Variants in VSIG10 observed in about 807,000 individuals in gnomAD.
VSIG10 encodes the protein V-set and immunoglobulin domain-containing protein 10.
Under a neutral mutation model 58.7 loss-of-function variants are expected in VSIG10, and 48 were observed. The observed-to-expected ratio is 0.82, with a 90% confidence interval of 0.65 to 1.04. The LOEUF (loss-of-function observed/expected upper bound fraction) is 1.04, where lower values mean the gene tolerates loss of function less well. VSIG10 is among the 50% of genes least tolerant of loss of function. The probability of loss-of-function intolerance (pLI) is 0.00; values close to 1 mark genes in which losing one functional copy is unlikely to be tolerated. For missense variants in VSIG10, 628 were observed against 670.0 expected, an observed-to-expected ratio of 0.94 and a Z score of 0.69; for synonymous variants, 260 against 267.1, an observed-to-expected ratio of 0.97 and a Z score of 0.26.
At position 118,068,399 on chromosome 12, in the gene VSIG10, TC is replaced by T. The variant is rs2032342802; in HGVS notation, c.1544del (p.Gly515GlufsTer53). 1 of 1,613,534 alleles carries T rather than the reference TC, an allele frequency of 6.2e-7. No individual in the cohort carries two copies. Among genetic ancestry groups the T allele is most frequent in the East Asian group, 2.2e-5 (1 of 44,850 alleles). On this transcript the variant is annotated frameshift_variant, in exon 8 of 9. Transcript: ENST00000359236. LOFTEE classifies it high-confidence loss of function. ...TACCTTGAAGATCCTGGAATCCATT[TC>T]CCATCTGTTCTATGTTCCCATTCAC... ...ALVNGNIEQM[G>X]NGFQDLQDDS...
intron 5 of VSIG10, among the ~76,000 whole-genome samples, chr12:118,072,805 G>A (rs186869374): frequency 3.0e-4 from 45 of 152,210 alleles, no homozygotes; most frequent in African/African-American, 1.1e-3. Flanking sequence ...CTACAGGGAG[G>A]GTTCCCAGGT....
At chr12:118,081,272 C>G (rs1279293762) in intron 3 of VSIG10, among the ~76,000 whole-genome samples, 1 of 152,056 alleles carries the variant, frequency 6.6e-6, no homozygotes, top group East Asian at 1.9e-4. Context: ...TGTTTTGGAA[C>G]CTGATACAGG....
chr12:118,073,666 C>T (rs747351974), intron 5 of VSIG10, 33 bp downstream of exon 5: 1 of 1,552,068 alleles, frequency 6.4e-7, no homozygotes, highest in South Asian at 1.2e-5. Context: ...AGCTCTGAAC[C>T]CTCCCTCCTT....
Position 118,079,557 on chromosome 12 carries a change from C to T in VSIG10, c.714G>A (p.Ser238=), listed in dbSNP as rs1181523953. ...AGCGACAGGTAAGCTGCAACATGAACGATCCTGATGCCATCTGTGCCCAGC... is the reference window on the plus strand; with the variant it reads ...AGCGACAGGTAAGCTGCAACATGAATGATCCTGATGCCATCTGTGCCCAGC... The part of the protein sequence containing the change: ...PQCWAQMASG[S]FMLQLTCRWD... The change falls in exon 4 of 9, where the codon TCG becomes TCA. Residue 238 remains serine, a synonymous_variant. Coordinates refer to ENST00000359236, the MANE Select transcript of VSIG10 (RefSeq NM_019086.6). 5.6e-6 allele frequency: 9 copies of T among 1,613,890 alleles called. No homozygotes were observed. The highest frequency in any genetic ancestry group is 4.0e-5 in the African/African-American group (3 of 74,930).
chr12:118,075,732 G>A (rs74239243), intron 4 of VSIG10, among the ~76,000 whole-genome samples: 14,275 of 152,126 alleles, frequency 0.094, 862 homozygotes, highest in Admixed American at 0.13. Flanking sequence ...CTGTGGGCAA[G>A]GCACTGTTAC....
Position 118,063,975 on chromosome 12 carries a change from A to T in VSIG10, c.*2664T>A, listed in dbSNP as rs552190119. 3.9e-4 allele frequency: 59 copies of T among 152,310 alleles called. No individual in the cohort carries two copies. Among genetic ancestry groups the T allele is most frequent in the African/African-American group, 1.3e-3 (55 of 41,568 alleles). The allele number at this position is 152,310 out of a possible 1,614,324, so 9.4% of individuals were successfully genotyped here. Reference sequence around the variant, plus strand: ...CAGGGTTTGAGAAAAACAAGAAAAAAGTCAGTTGCAATGGACCTGAAGTGT... The same window carrying T: ...CAGGGTTTGAGAAAAACAAGAAAAATGTCAGTTGCAATGGACCTGAAGTGT... On this transcript the variant is annotated 3_prime_UTR_variant, in exon 9 of 9. Coordinates refer to ENST00000359236, the MANE Select transcript of VSIG10 (RefSeq NM_019086.6).
At chr12:118,096,349 C>T (rs981674827) in intron 1 of VSIG10, among the ~76,000 whole-genome samples, 4 of 149,790 alleles carry the variant, frequency 2.7e-5, no homozygotes, top group East Asian at 2.1e-4. Context: ...GAGGCCAAGG[C>T]GGGCGGATCA....
At position 118,068,576 on chromosome 12, in the gene VSIG10, G is replaced by A. The variant is rs1400033152; in HGVS notation, c.1368C>T (p.Val456=). The A allele has an allele frequency of 3.2e-6, 5 of 1,572,860 alleles. No homozygotes were observed. The highest frequency in any genetic ancestry group is 4.3e-6 in the Non-Finnish European group (5 of 1,158,602). ...CCTCTTCTGAATCCACCAAAACCATGACATCATCCATGTTTTGTCCCCTAA... is the reference window on the plus strand; with the variant it reads ...CCTCTTCTGAATCCACCAAAACCATAACATCATCCATGTTTTGTCCCCTAA... ...NTSRGQNMDD[V]MVLVDSEEEE... Residue 456 remains valine, a synonymous_variant, in exon 8 of 9, where the codon GTC becomes GTT. Coordinates refer to ENST00000359236, the MANE Select transcript of VSIG10 (RefSeq NM_019086.6).
rs182460140 is a variant in VSIG10, at chr12:118,093,226, G to A, written c.361+2307C>T. 1.3e-4 allele frequency among the ~76,000 whole-genome samples: 20 copies of A among 151,788 alleles called. No individual in the cohort carries two copies. In the East Asian group the frequency reaches 3.5e-3, roughly 27 times the overall value. ...AGGCAGGAGAATGGCATCAACCCGG[G>A]AGGTGGAGCTTGCAGTGAGCTGAGA... On this transcript the variant is annotated intron_variant, in intron 2 of 8. Coordinates refer to ENST00000359236, the MANE Select transcript of VSIG10 (RefSeq NM_019086.6).
In VSIG10 at chr12:118,096,405, C is replaced by T. The variant is rs1332178769; in HGVS notation, c.80-591G>A. ...ACCAGCCTAACCAACATGCAAAAAC[C>T]CTGTCTCTACTAAAAATACAAAATC... On this transcript the variant is annotated intron_variant, in intron 1 of 8. Transcript: ENST00000359236. Among the ~76,000 whole-genome samples the T allele has an allele frequency of 2.0e-5, 3 of 151,332 alleles. No individual in the cohort carries two copies. The Admixed American group carries it at 2.0e-4, about 10-fold the overall frequency.
In VSIG10 at chr12:118,082,445, G is replaced by A. The variant is rs1001169598; in HGVS notation, c.362-16C>T. 1 of 1,598,606 alleles carries A rather than the reference G, an allele frequency of 6.3e-7. No individual in the cohort carries two copies. Among genetic ancestry groups the A allele is most frequent in the Non-Finnish European group, 8.5e-7 (1 of 1,171,056 alleles). ...TAGGGGCCGCCTGGGGATGACAGGG[G>A]GAATAGGATGGCATTAATTATGTAA... On this transcript the variant is annotated splice_polypyrimidine_tract_variant and intron_variant, in intron 2 of 8. Coordinates refer to ENST00000359236, the MANE Select transcript of VSIG10 (RefSeq NM_019086.6).
At chr12:118,089,009 G>A (rs1004504625) in intron 2 of VSIG10, among the ~76,000 whole-genome samples, 2 of 150,812 alleles carry the variant, frequency 1.3e-5, no homozygotes, top group African/African-American at 2.4e-5. Flanking sequence ...GTGCAGTGGT[G>A]CCATCTCGGC....
At chr12:118,084,273 C>A (rs1431158149) in intron 2 of VSIG10, among the ~76,000 whole-genome samples, 1 of 152,194 alleles carries the variant, frequency 6.6e-6, no homozygotes, top group Non-Finnish European at 1.5e-5. Flanking sequence ...TCAAGAGCTG[C>A]AAAAGGTTCA....
rs372440400 is a variant in VSIG10 at position 118,082,170 on chromosome 12, G to A, written c.621C>T (p.Leu207=). Residue 207 remains leucine (L), a synonymous_variant, in exon 3 of 9, where the codon CTC becomes CTT. Coordinates refer to ENST00000359236, the MANE Select transcript of VSIG10 (RefSeq NM_019086.6). ...TGGTCACCTTTCGATGTCTCTTGCT[G>A]AGCTGATTCAAGGCTAAACAGGTGT... The part of the protein sequence containing the change: ...GNYTCLALNQ[L]SKRHRKVTTE... The A allele has an allele frequency of 3.1e-6, 5 of 1,613,892 alleles. No individual in the cohort carries two copies. Among genetic ancestry groups the A allele is most frequent in the Non-Finnish European group, 4.2e-6 (5 of 1,179,906 alleles).
chr12:118,066,268 AAAAG>A lies in VSIG10; in HGVS notation c.*367_*370del. 1 of 192,230 alleles carries A rather than the reference AAAAG, an allele frequency of 5.2e-6. No homozygotes were observed. 11.9% of individuals were successfully genotyped at this position (192,230 alleles called of 1,614,324 possible). A position where few individuals can be genotyped will look rare whatever the true frequency, so the allele number is the denominator to read the frequency against. On this transcript the variant is annotated 3_prime_UTR_variant, in exon 9 of 9. Transcript: ENST00000359236. ...CTCAAAAAAAAAAAAAAAAAAAAAA[AAAAG>A]CGGCAAAAGGCACCAAGACCCAGTG...
chr12:118,095,092 A>G (rs933844634), intron 2 of VSIG10, among the ~76,000 whole-genome samples: 2 of 152,106 alleles, frequency 1.3e-5, no homozygotes, highest in Admixed American at 6.6e-5. Context: ...TTTAATAGAG[A>G]TGGGGTTTCA....
chr12:118,068,522 TTCC>T lies in VSIG10; in HGVS notation c.1419_1421del (p.Glu474del), dbSNP rs67582641. Reference sequence around the variant, plus strand: ...CCTCCTGTTCCCCTACTGCAGCATCTTCCTCCTCCTCCTCCTCCTCCTCCTCTT... The same window carrying T: ...CCTCCTGTTCCCCTACTGCAGCATCTTCCTCCTCCTCCTCCTCCTCCTCTT... On this transcript the variant is annotated inframe_deletion, in exon 8 of 9. Coordinates refer to ENST00000359236, the MANE Select transcript of VSIG10 (RefSeq NM_019086.6). 41,191 of 1,570,240 alleles carry T rather than the reference TTCC, an allele frequency of 0.026. 468 individuals carry two copies. Among genetic ancestry groups the T allele is most frequent in the Middle Eastern group, 0.042 (252 of 5,932 alleles).
intron 4 of VSIG10, among the ~76,000 whole-genome samples, chr12:118,078,794 C>T (rs1476226183): frequency 6.6e-6 from 1 of 151,654 alleles, no homozygotes; most frequent in Non-Finnish European, 1.5e-5. Flanking sequence ...CAAAAATTAG[C>T]TGGGCATGAT....
intron 7 of VSIG10, 167 bp downstream of exon 7, chr12:118,070,885 T>G (rs763610309): frequency 3.7e-5 from 30 of 800,822 alleles, no homozygotes; most frequent in Admixed American, 2.7e-4. Flanking sequence ...GAGGAGATGA[T>G]GAAAGGGTTT....
Sources: gnomAD v4.1 joint callset for allele counts (sites outside exome capture counted in the v4.1 genomes callset) on GRCh38, gnomAD v4.1.1 for gene constraint, MANE v1.5 for transcripts, NCBI Gene and HGNC (gene_info 2026-07-23, HGNC 2026-07-21) for gene names.